The following SCN8A variants were observed in gnomAD, a reference collection of about 807,000 sequenced individuals.
SCN8A encodes the protein sodium voltage-gated channel alpha subunit 8, also known as sodium channel protein type 8 subunit alpha.
In SCN8A, 30 loss-of-function variants were observed where a neutral mutation model predicts 184.1. The ratio of observed to expected loss-of-function variants is 0.16; its 90% CI spans 0.12 to 0.22. The LOEUF (loss-of-function observed/expected upper bound fraction) is 0.22. Among genes scored for constraint, SCN8A ranks in the 10% least tolerant of loss-of-function variants. The pLI is 1.00. For synonymous variants in SCN8A, 852 were observed against 907.0 expected, an observed-to-expected ratio of 0.94 and a Z score of 1.09; for missense variants, 1,057 against 2,498.9, an observed-to-expected ratio of 0.42 and a Z score of 12.30.
chr12:51,784,236 GC>G (rs1938012473), intron 21 of SCN8A, among the ~76,000 whole-genome samples: 1 of 152,178 alleles, frequency 6.6e-6, no homozygotes, highest in African/African-American at 2.4e-5. Context: ...AATGTTCAAA[GC>G]AAGGAAGAAT....
chr12:51,670,759 G>A (rs1426725067), intron 2 of SCN8A, among the ~76,000 whole-genome samples: 1 of 152,140 alleles, frequency 6.6e-6, no homozygotes, highest in Non-Finnish European at 1.5e-5. Context: ...AAATTAAGGG[G>A]ATTGGATGAA....
Position 51,691,127 on chromosome 12 carries a change from C to T in SCN8A, c.706+2031C>T, listed in dbSNP as rs373138924. On this transcript the variant is annotated intron_variant, in intron 6 of 26. Transcript: ENST00000627620. ...TACTTTCCTTTTTCCTATGGTGTCT[C>T]TCCTCCTCTGGCCCCTTTTAAATAT... Among the ~76,000 whole-genome samples the T allele has an allele frequency of 1.4e-4, 21 of 152,124 alleles. No homozygotes were observed. In the South Asian group the frequency reaches 4.4e-3, roughly 32 times the overall value.
intron 1 of SCN8A, among the ~76,000 whole-genome samples, chr12:51,656,483 A>G (rs1940823517): frequency 6.6e-6 from 1 of 152,234 alleles, no homozygotes; most frequent in Admixed American, 6.5e-5. Context: ...CAGTTTATCA[A>G]ATGACACCAT....
Position 51,722,157 on chromosome 12 carries a change from C to T in SCN8A, c.1998+249C>T, listed in dbSNP as rs1399805198. On this transcript the variant is annotated intron_variant, in intron 12 of 26. Transcript: ENST00000627620. ...GTCTTCTCCTTTCCTTTATTCTTTG[C>T]TCCATTTTCCCCATCTTCCCTCCTT... 8.5e-6 allele frequency: 5 copies of T among 590,760 alleles called. No homozygotes were observed. In the East Asian group the frequency reaches 1.2e-4, roughly 14 times the overall value. The allele number at this position is 590,760 out of a possible 1,614,324, so 36.6% of individuals were successfully genotyped here.
intron 6 of SCN8A, among the ~76,000 whole-genome samples, chr12:51,697,932 T>C (rs1941622508): frequency 1.3e-5 from 2 of 152,172 alleles, no homozygotes; most frequent in Non-Finnish European, 2.9e-5. Context: ...CACTGGAACC[T>C]CCACCCCCGC....
intron 2 of SCN8A, among the ~76,000 whole-genome samples, chr12:51,683,093 C>G (rs551435701): frequency 6.6e-6 from 1 of 152,182 alleles, no homozygotes; most frequent in Non-Finnish European, 1.5e-5. Context: ...GGAAAAAAAT[C>G]TCTCCCTCCT....
chr12:51,599,764 G>GT (rs1426566238), intron 1 of SCN8A, among the ~76,000 whole-genome samples: 1 of 152,106 alleles, frequency 6.6e-6, no homozygotes, highest in Non-Finnish European at 1.5e-5. Context: ...TAGTGTAGTG[G>GT]TTATAAGGAT....
At chr12:51,652,528 G>C (rs191841956) in intron 1 of SCN8A, among the ~76,000 whole-genome samples, 1 of 152,154 alleles carries the variant, frequency 6.6e-6, no homozygotes, top group Admixed American at 6.5e-5. Flanking sequence ...ATGAGAGCAG[G>C]GCTTTGCGTT....
chr12:51,604,458 C>A (rs929410558), intron 1 of SCN8A, among the ~76,000 whole-genome samples: 1 of 152,150 alleles, frequency 6.6e-6, no homozygotes, highest in Non-Finnish European at 1.5e-5. Flanking sequence ...ACCACACGGT[C>A]TCTTTTTTCC....
chr12:51,699,550 C>G lies in SCN8A; in HGVS notation c.707-20C>G. The G allele has an allele frequency of 6.3e-7, 1 of 1,591,788 alleles. No individual in the cohort carries two copies. Among genetic ancestry groups the G allele is most frequent in the Non-Finnish European group, 8.6e-7 (1 of 1,165,062 alleles). On this transcript the variant is annotated intron_variant, in intron 6 of 26. Coordinates refer to ENST00000627620, the MANE Select transcript of SCN8A (RefSeq NM_001330260.2). ...GAGGGCTTTGAGGTGCCTCTGATTC[C>G]GGGGATTCTGTCTCCTCAGGCCTGA...
chr12:51,661,746 A>T (rs1940929511), intron 1 of SCN8A, among the ~76,000 whole-genome samples: 1 of 152,218 alleles, frequency 6.6e-6, no homozygotes, highest in African/African-American at 2.4e-5. Flanking sequence ...TTACCTGCTC[A>T]GGTCATTTTG....
intron 1 of SCN8A, among the ~76,000 whole-genome samples, chr12:51,611,371 C>A (rs757755608): frequency 2.6e-5 from 4 of 152,060 alleles, no homozygotes; most frequent in Non-Finnish European, 4.4e-5. Flanking sequence ...ACCGGGTTAG[C>A]CAAGGATGGT....
Position 51,806,871 on chromosome 12 carries a change from C to T in SCN8A, c.5385C>T (p.Phe1795=), listed in dbSNP as rs748215769. 4 of 1,613,576 alleles carry T rather than the reference C, an allele frequency of 2.5e-6. No individual in the cohort carries two copies. Among genetic ancestry groups the T allele is most frequent in the East Asian group, 4.5e-5 (2 of 44,886 alleles). Residue 1795 remains phenylalanine (F), a synonymous_variant, in exon 27 of 27, where the codon TTC becomes TTT. Transcript: ENST00000627620. This position sits in a 1 kb window ranked among gnomAD's most constrained non-coding sequence, Gnocchi z 8.7. Reference sequence around the variant, plus strand: ...CCTTCTATGAGATCTGGGAGAAGTTCGACCCCGATGCCACCCAGTTCATTG... The same window carrying T: ...CCTTCTATGAGATCTGGGAGAAGTTTGACCCCGATGCCACCCAGTTCATTG... ...FETFYEIWEK[F]DPDATQFIEY... is the part of the protein sequence containing the mutation.
At chr12:51,676,527 C>T (rs1941225687) in intron 2 of SCN8A, among the ~76,000 whole-genome samples, 1 of 152,066 alleles carries the variant, frequency 6.6e-6, no homozygotes, top group Non-Finnish European at 1.5e-5. Context: ...GAAATGAATG[C>T]CAAATTGCTG....
intron 1 of SCN8A, among the ~76,000 whole-genome samples, chr12:51,653,527 A>C (rs1358497972): frequency 6.6e-6 from 1 of 152,130 alleles, no homozygotes; most frequent in Admixed American, 6.5e-5. Context: ...AAGCTACATA[A>C]ATATTTCATT....
At chr12:51,786,937 A>AT in intron 22 of SCN8A, 111 bp downstream of exon 22, 1 of 1,078,278 alleles carries the variant, frequency 9.3e-7, no homozygotes. Flanking sequence ...ATTATTCTCA[A>AT]TAAGTCCAAG....
At chr12:51,633,172 GGT>G (rs1940236660) in intron 1 of SCN8A, among the ~76,000 whole-genome samples, 1 of 152,148 alleles carries the variant, frequency 6.6e-6, no homozygotes, top group Non-Finnish European at 1.5e-5. Context: ...CAAGAGATGT[GGT>G]GGATCAGAAT....
Position 51,780,765 on chromosome 12 carries a change from G to A in SCN8A, c.3936G>A (p.Gly1312=). ...RPLRALSRFE[G]MRVVVNALVG... ...TAAGAGCCTTATCACGATTTGAAGG[G>A]ATGAGGGTAAGATACTAAGAGCAGC... is the stretch of plus-strand genomic sequence containing the variant. Residue 1312 remains glycine, a synonymous_variant, in exon 21 of 27, where the codon GGG becomes GGA. Coordinates refer to ENST00000627620, the MANE Select transcript of SCN8A (RefSeq NM_001330260.2). The A allele has an allele frequency of 6.3e-7, 1 of 1,590,120 alleles. No homozygotes were observed. The highest frequency in any genetic ancestry group is 1.2e-5 in the South Asian group (1 of 86,624).
At position 51,702,856 on chromosome 12, in the gene SCN8A, C is replaced by G; in HGVS notation, c.1076C>G (p.Ala359Gly). ...ACAAGTTTTGACACTTTTAGCTGGGCCTTCTTGGCATTATTTCGCCTTATG... is the reference window on the plus strand; with the variant it reads ...ACAAGTTTTGACACTTTTAGCTGGGGCTTCTTGGCATTATTTCGCCTTATG... ...GYTSFDTFSW[A>G]FLALFRLMTQ... Residue 359 changes from alanine to glycine, a missense_variant, in exon 9 of 27, where the codon GCC becomes GGC. By Grantham distance (60) the Ala-to-Gly change is moderately conservative (BLOSUM62 0). Transcript: ENST00000627620. 6.2e-7 allele frequency: 1 copy of G among 1,605,690 alleles called. No individual in the cohort carries two copies. Among genetic ancestry groups the G allele is most frequent in the Non-Finnish European group, 8.5e-7 (1 of 1,175,572 alleles).
Sources: gnomAD v4.1 joint callset for allele counts (sites outside exome capture counted in the v4.1 genomes callset) on GRCh38, gnomAD v4.1.1 for gene constraint, Gnocchi (gnomAD v3.1) non-coding constraint, MANE v1.5 for transcripts, NCBI Gene and HGNC (gene_info 2026-07-23, HGNC 2026-07-21) for gene names.